Variants in RAP1GAP2 observed in about 807,000 individuals in gnomAD.
The protein encoded by RAP1GAP2 is RAP1 GTPase activating protein 2, also known as rap1 GTPase-activating protein 2.
Under a neutral mutation model 95.0 loss-of-function variants are expected in RAP1GAP2, and 27 were observed. The ratio of observed to expected loss-of-function variants is 0.28; its 90% CI spans 0.21 to 0.39. The LOEUF (loss-of-function observed/expected upper bound fraction) is 0.39, where lower values mean the gene tolerates loss of function less well. Among genes scored for constraint, RAP1GAP2 ranks in the 10% least tolerant of loss-of-function variants. The pLI is 1.00. For missense variants in RAP1GAP2, 771 were observed against 970.0 expected (o/e 0.79, Z 2.72); for synonymous variants, 373 against 380.9 (o/e 0.98, Z 0.24).
At chr17:2,771,943 C>T (rs1179728327) in intron 2 of RAP1GAP2, among the ~76,000 whole-genome samples, 1 of 152,134 alleles carries the variant, frequency 6.6e-6, no homozygotes, top group Non-Finnish European at 1.5e-5. Context: ...GTTGCCCATG[C>T]TGGCCTTGAA....
chr17:2,852,420 C>T (rs1057001798), intron 2 of RAP1GAP2, among the ~76,000 whole-genome samples: 13 of 152,156 alleles, frequency 8.5e-5, no homozygotes, highest in African/African-American at 3.1e-4. Context: ...CACCCTGGGG[C>T]TTCCTCCCCT....
At chr17:3,013,785 A>G (rs1171230538) in intron 17 of RAP1GAP2, among the ~76,000 whole-genome samples, 1 of 151,002 alleles carries the variant, frequency 6.6e-6, no homozygotes, top group Non-Finnish European at 1.5e-5. Flanking sequence ...CTGGGTTTGG[A>G]TCCTGGCTCT....
At chr17:2,924,519 T>C (rs1308534406) in intron 3 of RAP1GAP2, among the ~76,000 whole-genome samples, 1 of 149,750 alleles carries the variant, frequency 6.7e-6, no homozygotes, top group African/African-American at 2.5e-5. Flanking sequence ...GAGGAGGAAT[T>C]TGGGAGAAAG....
rs2151659998 is a variant in RAP1GAP2, at chr17:3,026,335, TCC to T, written c.1866-14_1866-13del. ...GCGTGTGACCCGGGCTGGCCTCACT[TCC>T]TATTCCCTGCAGGCCCTTCATGAAG... On this transcript the variant is annotated splice_polypyrimidine_tract_variant and intron_variant, in intron 20 of 24. Transcript: ENST00000254695. The T allele has an allele frequency of 6.5e-7, 1 of 1,544,660 alleles. No individual in the cohort carries two copies. The highest frequency in any genetic ancestry group is 2.4e-5 in the East Asian group (1 of 40,852).
chr17:2,836,066 G>A (rs1162944878), intron 2 of RAP1GAP2, among the ~76,000 whole-genome samples: 4 of 152,240 alleles, frequency 2.6e-5, no homozygotes, highest in South Asian at 2.1e-4. Flanking sequence ...GGTGTTAGGA[G>A]GTAGGTCCAG....
intron 1 of RAP1GAP2, among the ~76,000 whole-genome samples, chr17:2,789,948 T>C (rs567278649): frequency 2.6e-5 from 4 of 152,170 alleles, no homozygotes; most frequent in African/African-American, 9.7e-5. Flanking sequence ...CTTGAGATAG[T>C]GCAGGTGGGC....
In RAP1GAP2 at chr17:2,947,956, G is replaced by A. The variant is rs574981488; in HGVS notation, c.166-9803G>A. On this transcript the variant is annotated intron_variant, in intron 3 of 24. Coordinates refer to ENST00000254695, the MANE Select transcript of RAP1GAP2 (RefSeq NM_015085.5). ...TCCCCCCGATTTTCCTGGGACCCACGTAGGTGCAAAACACCTGCTCCTCCA... is the reference window on the plus strand; with the variant it reads ...TCCCCCCGATTTTCCTGGGACCCACATAGGTGCAAAACACCTGCTCCTCCA... Among the ~76,000 whole-genome samples, 26 of 152,106 alleles carry A rather than the reference G, an allele frequency of 1.7e-4. No individual in the cohort carries two copies. In the South Asian group the frequency reaches 2.7e-3, roughly 16 times the overall value.
chr17:3,013,768 C>A (rs1027203162), intron 17 of RAP1GAP2, among the ~76,000 whole-genome samples: 2 of 150,504 alleles, frequency 1.3e-5, no homozygotes, highest in African/African-American at 4.9e-5. Context: ...ATCTGGAGCC[C>A]AGGGTTCTGG....
chr17:2,820,943 G>T (rs1250854560), intron 2 of RAP1GAP2, among the ~76,000 whole-genome samples: 3 of 145,404 alleles, frequency 2.1e-5, no homozygotes, highest in African/African-American at 7.6e-5. Flanking sequence ...CATTATGTTG[G>T]CCAGGCTGCT....
chr17:2,776,439 T>C (rs749032044), upstream of RAP1GAP2, among the ~76,000 whole-genome samples: 2 of 152,018 alleles, frequency 1.3e-5, no homozygotes, highest in Non-Finnish European at 2.9e-5. Context: ...CCGGGTCCTC[T>C]GGGTGCACCT....
intron 8 of RAP1GAP2, among the ~76,000 whole-genome samples, chr17:2,971,820 C>T (rs9891963): frequency 0.11 from 16,588 of 151,932 alleles, 1,144 homozygotes; most frequent in South Asian, 0.22. Flanking sequence ...GGAAGGAATT[C>T]ACAAAGATTA....
chr17:3,027,171 A>G lies in RAP1GAP2; in HGVS notation c.2107+101A>G. 1 of 1,398,084 alleles carries G rather than the reference A, an allele frequency of 7.2e-7. No individual in the cohort carries two copies. The highest frequency in any genetic ancestry group is 9.5e-7 in the Non-Finnish European group (1 of 1,054,506). 86.6% of individuals were successfully genotyped at this position (1,398,084 alleles called of 1,614,324 possible). A position where few individuals can be genotyped will look rare whatever the true frequency, so the allele number is the denominator to read the frequency against. ...AGCCACGCTGAACTGGCCAGTTTTC[A>G]CCCCTCCTCCCAGCTGTGAGGCCCT... is the stretch of plus-strand genomic sequence containing the variant. On this transcript the variant is annotated intron_variant, in intron 22 of 24. Coordinates refer to ENST00000254695, the MANE Select transcript of RAP1GAP2 (RefSeq NM_015085.5). The surrounding 1 kb of genome is among the most constrained non-coding windows in gnomAD (Gnocchi z 5.2).
At chr17:2,767,858 G>T (rs776553796) in intron 1 of RAP1GAP2, among the ~76,000 whole-genome samples, 7 of 151,204 alleles carry the variant, frequency 4.6e-5, no homozygotes, top group Non-Finnish European at 8.8e-5. Flanking sequence ...TCAGCCTCCC[G>T]AGTAGCTGGG....
chr17:2,879,871 C>T (rs772022321), intron 2 of RAP1GAP2, among the ~76,000 whole-genome samples: 2 of 152,098 alleles, frequency 1.3e-5, no homozygotes, highest in Non-Finnish European at 2.9e-5. Flanking sequence ...TACTGTAATG[C>T]TTGGAGAGTT....
chr17:2,844,311 C>T (rs550458561), intron 2 of RAP1GAP2, among the ~76,000 whole-genome samples: 3 of 152,294 alleles, frequency 2.0e-5, no homozygotes, highest in South Asian at 2.1e-4. Flanking sequence ...TGAGCCACTG[C>T]GCCCGGCCGG....
intron 2 of RAP1GAP2, among the ~76,000 whole-genome samples, chr17:2,895,580 C>T (rs912275528): frequency 2.7e-4 from 14 of 52,608 alleles, no homozygotes; most frequent in South Asian, 1.2e-3. Context: ...TGCCCTTCCC[C>T]GCTACTTTTT....
chr17:2,938,292 C>T (rs1231187315), intron 3 of RAP1GAP2, among the ~76,000 whole-genome samples: 1 of 152,144 alleles, frequency 6.6e-6, no homozygotes, highest in Non-Finnish European at 1.5e-5. Context: ...CTTGTCTGCC[C>T]CACACTAGGT....
intron 2 of RAP1GAP2, among the ~76,000 whole-genome samples, chr17:2,852,631 A>G (rs1324382994): frequency 6.6e-6 from 1 of 152,240 alleles, no homozygotes; most frequent in East Asian, 1.9e-4. Context: ...AAACAAGGCA[A>G]ATTGCCTCAG....
intron 2 of RAP1GAP2, among the ~76,000 whole-genome samples, chr17:2,807,665 G>A (rs1394039612): frequency 1.3e-5 from 2 of 152,176 alleles, no homozygotes; most frequent in African/African-American, 2.4e-5. Context: ...GCAGTGGGGC[G>A]TGAAGCAGCT....
Sources: gnomAD v4.1 joint callset for allele counts (sites outside exome capture counted in the v4.1 genomes callset) on GRCh38, gnomAD v4.1.1 for gene constraint, Gnocchi (gnomAD v3.1) non-coding constraint, MANE v1.5 for transcripts, NCBI Gene and HGNC (gene_info 2026-07-23, HGNC 2026-07-21) for gene names.